HERC4: variants seen among roughly 807,000 people sequenced by gnomAD.
The protein encoded by HERC4 is probable E3 ubiquitin-protein ligase HERC4.
A neutral mutation model predicts 124.3 loss-of-function variants in HERC4; 28 were observed. The ratio of observed to expected loss-of-function variants is 0.23; its 90% CI spans 0.17 to 0.31. The LOEUF (loss-of-function observed/expected upper bound fraction) is 0.31. Ranked by LOEUF, HERC4 falls within the 10% of genes least tolerant of loss-of-function variation. HERC4 has a pLI of 1.00. For missense variants in HERC4, 713 were observed against 1,229.3 expected (o/e 0.58, Z 6.28); for synonymous variants, 407 against 421.5 (o/e 0.97, Z 0.42).
At chr10:68,028,996 C>T (rs1000181088) in intron 7 of HERC4, among the ~76,000 whole-genome samples, 3 of 151,854 alleles carry the variant, frequency 2.0e-5, no homozygotes, top group African/African-American at 7.3e-5. Flanking sequence ...TAAAGCGAGA[C>T]ACCATCTCTA....
At chr10:67,971,238 T>C (rs934748290) in intron 15 of HERC4, among the ~76,000 whole-genome samples, 12 of 152,144 alleles carry the variant, frequency 7.9e-5, no homozygotes, top group African/African-American at 2.9e-4. Flanking sequence ...ATACCAATCT[T>C]AATCAAACTT....
At chr10:68,046,942 A>C (rs909137125) in intron 3 of HERC4, among the ~76,000 whole-genome samples, 1 of 152,164 alleles carries the variant, frequency 6.6e-6, no homozygotes, top group Non-Finnish European at 1.5e-5. Flanking sequence ...TGGGCTATAG[A>C]GGGAGACTGT....
At chr10:68,040,977 T>C (rs919034444) in intron 4 of HERC4, among the ~76,000 whole-genome samples, 13 of 151,708 alleles carry the variant, frequency 8.6e-5, no homozygotes, top group Non-Finnish European at 5.9e-5. Context: ...CACACACACA[T>C]TGGAGATAAG....
intron 17 of HERC4, chr10:67,956,067 T>C (rs1383968582): frequency 6.6e-6 from 1 of 152,234 alleles, no homozygotes; most frequent in East Asian, 1.9e-4. Flanking sequence ...CAAATGCATT[T>C]ATTTGAACAG....
chr10:67,934,033 C>G (rs982772875), intron 22 of HERC4, among the ~76,000 whole-genome samples: 1 of 152,126 alleles, frequency 6.6e-6, no homozygotes, highest in Admixed American at 6.5e-5. Flanking sequence ...CAGAAATTCC[C>G]GCTATTAAAA....
chr10:67,997,525 A>G (rs993674110), intron 9 of HERC4, among the ~76,000 whole-genome samples: 1 of 152,104 alleles, frequency 6.6e-6, no homozygotes, highest in East Asian at 1.9e-4. Flanking sequence ...TTCCTCTCAT[A>G]CTTATTTGAT....
intron 9 of HERC4, among the ~76,000 whole-genome samples, chr10:68,003,162 C>CTTTTTTTTTTT (rs61552989): frequency 6.8e-6 from 1 of 145,998 alleles, no homozygotes; most frequent in Non-Finnish European, 1.5e-5. Context: ...TATTTTTATA[C>CTTTTTTTTTTT]TTTTTTTTTT....
At chr10:67,988,000 A>T (rs1354651636) in intron 15 of HERC4, 1 of 152,132 alleles carries the variant, frequency 6.6e-6, no homozygotes, top group Non-Finnish European at 1.5e-5. Flanking sequence ...TCATCTAAAT[A>T]GCAACTTGAG....
At chr10:67,982,818 AAAG>A (rs946853039) in intron 15 of HERC4, among the ~76,000 whole-genome samples, 3 of 152,198 alleles carry the variant, frequency 2.0e-5, no homozygotes, top group African/African-American at 7.2e-5. Flanking sequence ...ACATTCCTCA[AAAG>A]AAGACATAAA....
At chr10:68,029,169 C>T (rs936117633) in intron 7 of HERC4, among the ~76,000 whole-genome samples, 1 of 151,928 alleles carries the variant, frequency 6.6e-6, no homozygotes, top group Non-Finnish European at 1.5e-5. Context: ...GAGTGAGACC[C>T]CCATCTCAGA....
intron 19 of HERC4, among the ~76,000 whole-genome samples, chr10:67,944,917 G>GA (rs2033207401): frequency 6.6e-6 from 1 of 152,020 alleles, no homozygotes; most frequent in Non-Finnish European, 1.5e-5. Context: ...GGAGCCAAAA[G>GA]AAAAAACAAG....
In HERC4 at chr10:68,069,507, A is replaced by T. The variant is rs775814517; in HGVS notation, c.226+3376T>A. 127 of 985,358 alleles carry T rather than the reference A, an allele frequency of 1.3e-4. No homozygotes were observed. The Middle Eastern group carries it at 1.5e-3, about 12-fold the overall frequency. The allele number at this position is 985,358 out of a possible 1,614,324, so 61.0% of individuals were successfully genotyped here. On this transcript the variant is annotated intron_variant, in intron 3 of 24. Transcript: ENST00000373700. ...AAATCTTTCTGTGTGGTCCCTAAAA[A>T]GTCCAGAACAGAAACACCTCTTTTC...
At chr10:68,031,638 A>G (rs2039209603) in intron 7 of HERC4, among the ~76,000 whole-genome samples, 1 of 152,240 alleles carries the variant, frequency 6.6e-6, no homozygotes, top group Non-Finnish European at 1.5e-5. Context: ...TGGTCATTAT[A>G]TTTTTAAAAG....
rs777599181 is a variant in HERC4, at chr10:68,033,957, G to C, written c.685+8C>G. The C allele has an allele frequency of 6.2e-7, 1 of 1,607,938 alleles. No individual in the cohort carries two copies. Among genetic ancestry groups the C allele is most frequent in the Non-Finnish European group, 8.5e-7 (1 of 1,174,558 alleles). On this transcript the variant is annotated splice_region_variant and intron_variant, in intron 6 of 24. Transcript: ENST00000373700. ...AGTACACTTAAACTATACATAATGA[G>C]AACCTACCATTTTCATCATTAAGAC...
chr10:67,972,914 T>C (rs2035337839), intron 15 of HERC4, among the ~76,000 whole-genome samples: 1 of 152,192 alleles, frequency 6.6e-6, no homozygotes, highest in African/African-American at 2.4e-5. Context: ...AGAATTATAG[T>C]TAACTTCCTT....
intron 15 of HERC4, among the ~76,000 whole-genome samples, chr10:67,981,429 T>G (rs942496106): frequency 3.9e-5 from 6 of 152,138 alleles, no homozygotes; most frequent in African/African-American, 1.4e-4. Flanking sequence ...CTCAGTACAG[T>G]AATAGATGAA....
At position 67,992,633 on chromosome 10, in the gene HERC4, T is replaced by C; in HGVS notation, c.1119A>G (p.Gln373=). The C allele has an allele frequency of 1.9e-6, 3 of 1,546,020 alleles. No homozygotes were observed. Among genetic ancestry groups the C allele is most frequent in the Non-Finnish European group, 2.7e-6 (3 of 1,125,474 alleles). Residue 373 remains glutamine, a synonymous_variant, in exon 10 of 25, where the codon CAA becomes CAG. Transcript: ENST00000373700. ...CVKRIFSGGD[Q]SFSHYSSPQN... is the part of the protein sequence containing the mutation. ...GGGGACTAGAGTAATGTGAAAAGCT[T>C]TGATCTCCCCCTGAGAAAATTCTTT...
intron 9 of HERC4, among the ~76,000 whole-genome samples, chr10:68,001,387 T>A (rs999731294): frequency 6.2e-5 from 9 of 144,148 alleles, no homozygotes; most frequent in East Asian, 5.9e-4. Flanking sequence ...AAAAAAAAAA[T>A]TCCTCTTGTT....
At chr10:68,000,877 C>G (rs963176596) in intron 9 of HERC4, among the ~76,000 whole-genome samples, 1 of 152,106 alleles carries the variant, frequency 6.6e-6, no homozygotes, top group African/African-American at 2.4e-5. Context: ...ACTCTAAATT[C>G]GGACTTCTAG....
Sources: gnomAD v4.1 joint callset for allele counts (sites outside exome capture counted in the v4.1 genomes callset) on GRCh38, gnomAD v4.1.1 for gene constraint, MANE v1.5 for transcripts, NCBI Gene and HGNC (gene_info 2026-07-23, HGNC 2026-07-21) for gene names.